The following NPAS3 variants were observed in gnomAD, a reference collection of about 807,000 sequenced individuals.
NPAS3 encodes neuronal PAS domain protein 3, also known as neuronal PAS domain-containing protein 3.
Under a neutral mutation model 73.1 loss-of-function variants are expected in NPAS3, and 14 were observed. That is an observed-to-expected ratio of 0.19 (90% CI 0.13 to 0.30). NPAS3 has a LOEUF of 0.30. Among genes scored for constraint, NPAS3 ranks in the 10% least tolerant of loss-of-function variants. The pLI, the probability that NPAS3 is intolerant of heterozygous loss-of-function variation, is 1.00. For synonymous variants in NPAS3, 620 were observed against 541.5 expected, an observed-to-expected ratio of 1.14 and a Z score of -2.01; for missense variants, 1,096 against 1,250.0, an observed-to-expected ratio of 0.88 and a Z score of 1.86.
At chr14:33,388,836 T>G (rs1335461693) in intron 4 of NPAS3, among the ~76,000 whole-genome samples, 1 of 152,202 alleles carries the variant, frequency 6.6e-6, no homozygotes, top group Non-Finnish European at 1.5e-5. Flanking sequence ...GACTTTCCAT[T>G]GTGCCTATTT....
chr14:33,308,527 T>TATATATATATATATACACACACAC, intron 3 of NPAS3, among the ~76,000 whole-genome samples: 15 of 103,722 alleles, frequency 1.4e-4, no homozygotes, highest in African/African-American at 5.6e-4. Flanking sequence ...TATATATATA[T>TATATATATATATATACACACACAC]ACATACACAC....
At chr14:33,223,929 A>G (rs561304259) in intron 3 of NPAS3, among the ~76,000 whole-genome samples, 3 of 152,272 alleles carry the variant, frequency 2.0e-5, no homozygotes, top group African/African-American at 4.8e-5. Flanking sequence ...CACATAATGA[A>G]GTTTTAAAGA....
chr14:33,111,809 C>G (rs890583847), intron 2 of NPAS3, among the ~76,000 whole-genome samples: 3 of 150,630 alleles, frequency 2.0e-5, no homozygotes, highest in African/African-American at 7.3e-5. Context: ...TATCCCTCCC[C>G]CCTCCCCCTT....
At chr14:33,023,586 C>T (rs1224619824) in intron 1 of NPAS3, among the ~76,000 whole-genome samples, 1 of 152,088 alleles carries the variant, frequency 6.6e-6, no homozygotes, top group Non-Finnish European at 1.5e-5. Context: ...TTTATAATAA[C>T]CTGAATGTAG....
At chr14:33,560,816 G>A (rs1324221259) in intron 5 of NPAS3, among the ~76,000 whole-genome samples, 1 of 152,154 alleles carries the variant, frequency 6.6e-6, no homozygotes, top group East Asian at 1.9e-4. Context: ...AGGCTGATGG[G>A]CCAGGGACAA....
rs1007852399 is a variant in NPAS3 at position 33,048,301 on chromosome 14, G to A, written c.51-7604G>A. On this transcript the variant is annotated intron_variant, in intron 1 of 11. Coordinates refer to ENST00000356141, the Ensembl canonical transcript of NPAS3. ...TAACATGTATACACATAATACTTTA[G>A]TGCTGGGGCCTACTTTCTGAAAATG... is the stretch of plus-strand genomic sequence containing the variant. Among the ~76,000 whole-genome samples the A allele has an allele frequency of 8.5e-5, 13 of 152,336 alleles. No individual in the cohort carries two copies. The South Asian group carries it at 2.7e-3, about 32-fold the overall frequency.
intron 1 of NPAS3, among the ~76,000 whole-genome samples, chr14:32,998,698 T>C (rs1366027414): frequency 1.3e-5 from 2 of 152,188 alleles, no homozygotes; most frequent in African/African-American, 4.8e-5. Flanking sequence ...CTCTCACCCA[T>C]AGGGGAATAG....
intron 4 of NPAS3, among the ~76,000 whole-genome samples, chr14:33,542,960 G>A (rs2054589711): frequency 6.6e-6 from 1 of 152,202 alleles, no homozygotes; most frequent in African/African-American, 2.4e-5. Flanking sequence ...AAATTGTCAA[G>A]GGGATGAAAG....
chr14:33,605,410 ACAC>A (rs901311607), intron 5 of NPAS3, among the ~76,000 whole-genome samples: 2 of 145,430 alleles, frequency 1.4e-5, no homozygotes, highest in East Asian at 4.0e-4. Context: ...AAAAAAAAAA[ACAC>A]AAACCTTTTA....
intron 1 of NPAS3, among the ~76,000 whole-genome samples, chr14:33,037,094 C>T (rs946700476): frequency 1.3e-5 from 2 of 151,992 alleles, no homozygotes; most frequent in Non-Finnish European, 2.9e-5. Flanking sequence ...CTCATACTGT[C>T]GCTTGTGTAG....
intron 4 of NPAS3, among the ~76,000 whole-genome samples, chr14:33,457,446 G>A (rs928846608): frequency 2.0e-5 from 3 of 152,264 alleles, no homozygotes; most frequent in Admixed American, 1.3e-4. Context: ...ACATTTACAG[G>A]GTTCTAAACT....
At chr14:33,018,547 A>G (rs962966710) in intron 1 of NPAS3, among the ~76,000 whole-genome samples, 1 of 152,218 alleles carries the variant, frequency 6.6e-6, no homozygotes, top group African/African-American at 2.4e-5. Context: ...TGAATCTTTG[A>G]AAAGAATGCA....
chr14:33,705,860 G>A (rs527357287), intron 6 of NPAS3, among the ~76,000 whole-genome samples: 35 of 152,246 alleles, frequency 2.3e-4, no homozygotes, highest in African/African-American at 7.5e-4. Flanking sequence ...TGACAAGGGC[G>A]GAAATCAAAT....
At chr14:33,277,434 AC>A (rs1363160980) in intron 3 of NPAS3, among the ~76,000 whole-genome samples, 1 of 152,192 alleles carries the variant, frequency 6.6e-6, no homozygotes, top group African/African-American at 2.4e-5. Flanking sequence ...AATGAACCAA[AC>A]AAAACTCTGC....
rs549250725 is a variant in NPAS3 at position 32,952,332 on chromosome 14, A to G, written c.50+12966A>G. The stretch of plus-strand genomic sequence containing the variant: ...CCGTAACTCCTTTTTCCCCCTCATC[A>G]CTCATCAAAACTCTGTTTTCCTGAA... On this transcript the variant is annotated intron_variant, in intron 1 of 11. Coordinates refer to ENST00000356141, the Ensembl canonical transcript of NPAS3. 1.3e-4 allele frequency among the ~76,000 whole-genome samples: 20 copies of G among 152,082 alleles called. No individual in the cohort carries two copies. The South Asian group carries it at 4.2e-3, about 32-fold the overall frequency.
Position 33,335,768 on chromosome 14 carries a change from A to C in NPAS3, c.386-31418A>C, listed in dbSNP as rs1009582121. Among the ~76,000 whole-genome samples the C allele has an allele frequency of 7.2e-5, 11 of 152,114 alleles. No homozygotes were observed. In the East Asian group the frequency reaches 7.7e-4, roughly 11 times the overall value. ...CCCCTTATAGCATACTACAGTCCAT[A>C]GTTTGTTCCTCTTATTATTGCTGAG... On this transcript the variant is annotated intron_variant, in intron 3 of 11. Coordinates refer to ENST00000356141, the Ensembl canonical transcript of NPAS3.
chr14:33,681,877 G>A (rs1463367502), intron 6 of NPAS3, among the ~76,000 whole-genome samples: 1 of 126,502 alleles, frequency 7.9e-6, no homozygotes, highest in East Asian at 3.0e-4. Context: ...CTATTGGAAG[G>A]GTAAGTGACA....
chr14:33,721,100 A>C (rs2061096469), intron 6 of NPAS3, among the ~76,000 whole-genome samples: 1 of 152,172 alleles, frequency 6.6e-6, no homozygotes, highest in Non-Finnish European at 1.5e-5. Context: ...TGCGTCTCCT[A>C]AAATGTTAGA....
At chr14:33,613,967 C>G (rs1232642447) in intron 5 of NPAS3, among the ~76,000 whole-genome samples, 1 of 152,174 alleles carries the variant, frequency 6.6e-6, no homozygotes, top group Non-Finnish European at 1.5e-5. Flanking sequence ...AGGCCGGAAA[C>G]TCACCATGTC....
Sources: allele counts gnomAD v4.1 joint callset (sites outside exome capture counted in the v4.1 genomes callset), GRCh38; gene constraint gnomAD v4.1.1; transcripts MANE v1.5; gene names NCBI Gene and HGNC (gene_info 2026-07-23, HGNC 2026-07-21).